DCK: variants seen among roughly 807,000 people sequenced by gnomAD.
DCK encodes the protein deoxyadenosine kinase.
Under a neutral mutation model 38.3 loss-of-function variants are expected in DCK, and 23 were observed. The observed-to-expected ratio is 0.60, with a 90% CI of 0.43 to 0.85. The LOEUF is 0.85. Among genes scored for constraint, DCK ranks in the 40% least tolerant of loss-of-function variants. The pLI, the probability that DCK is intolerant of heterozygous loss-of-function variation, is 0.00. For missense variants in DCK, 259 were observed against 304.4 expected (o/e 0.85, Z 1.11); for synonymous variants, 108 against 100.6 (o/e 1.07, Z -0.44).
rs781343609 is a variant in DCK, at chr4:71,005,255, A to T, written c.207+7073A>T. 5.3e-5 allele frequency among the ~76,000 whole-genome samples: 8 copies of T among 151,550 alleles called. No individual in the cohort carries two copies. The South Asian group carries it at 8.4e-4, about 16-fold the overall frequency. ...CCCCTTTCACCTTCCAGGTGAGGCG[A>T]TGCCCCACCCTGCTTCTGCTTGGCC... On this transcript the variant is annotated intron_variant, in intron 2 of 6. Transcript: ENST00000286648.
At chr4:71,006,206 C>G (rs1739938321) in intron 2 of DCK, 1 of 189,488 alleles carries the variant, frequency 5.3e-6, no homozygotes, top group African/African-American at 2.4e-5. Flanking sequence ...CCTTTCAAGC[C>G]TTTTGTCATT....
At chr4:71,024,092 A>G (rs1022571391) in intron 4 of DCK, among the ~76,000 whole-genome samples, 3 of 152,198 alleles carry the variant, frequency 2.0e-5, no homozygotes, top group African/African-American at 7.2e-5. Context: ...TCCATTGCCT[A>G]GAACACCCAG....
chr4:71,013,581 C>G (rs1292415443), intron 2 of DCK, among the ~76,000 whole-genome samples: 2 of 152,108 alleles, frequency 1.3e-5, no homozygotes, highest in Non-Finnish European at 2.9e-5. Context: ...CGCTACAAGC[C>G]AGGAGAGAGT....
chr4:71,023,689 C>T lies in DCK; in HGVS notation c.532C>T (p.Leu178Phe), dbSNP rs766821671. ...CCTTGAATTGGATGGAATCATTTAT[C>T]TTCAAGCCACTCCAGAGGTAAAACC... ...QSLELDGIIY[L>F]QATPETCLHR... The change falls in exon 4 of 7, where the codon CTT becomes TTT. Residue 178 changes from leucine to phenylalanine, a missense_variant. Transcript: ENST00000286648. 1.2e-6 allele frequency: 2 copies of T among 1,608,794 alleles called. No homozygotes were observed. Among genetic ancestry groups the T allele is most frequent in the African/African-American group, 1.3e-5 (1 of 74,634 alleles).
rs756081701 is a variant in DCK, at chr4:71,022,434, G to C, written c.275G>C (p.Trp92Ser). 8 of 1,606,274 alleles carry C rather than the reference G, an allele frequency of 5.0e-6. No homozygotes were observed. The highest frequency in any genetic ancestry group is 6.8e-6 in the Non-Finnish European group (8 of 1,176,868). The part of the protein sequence containing the change: ...LQMMYEKPER[W>S]SFTFQTYACL... ...ATGATGTATGAGAAACCTGAACGATGGTCTTTTACCTTCCAAACATATGCC... is the reference window on the plus strand; with the variant it reads ...ATGATGTATGAGAAACCTGAACGATCGTCTTTTACCTTCCAAACATATGCC... Residue 92 changes from tryptophan to serine, a missense_variant, in exon 3 of 7, where the codon TGG (tryptophan) becomes TCG (serine). Physicochemically the swap from Trp to Ser is radical, Grantham distance 177 (BLOSUM62 -3). Transcript: ENST00000286648.
chr4:71,014,257 A>G lies in DCK; in HGVS notation c.208-8110A>G, dbSNP rs180909161. ...ATATGCACCCAATACAGGAGCACCCAGATTCATAAAGCAAGTCCTTAGAGA... is the reference window on the plus strand; with the variant it reads ...ATATGCACCCAATACAGGAGCACCCGGATTCATAAAGCAAGTCCTTAGAGA... On this transcript the variant is annotated intron_variant, in intron 2 of 6. Coordinates refer to ENST00000286648, the MANE Select transcript of DCK (RefSeq NM_000788.3). Among the ~76,000 whole-genome samples the G allele has an allele frequency of 3.7e-3, 557 of 152,360 alleles. 2 individuals are homozygous for G. The highest frequency in any genetic ancestry group is 6.1e-3 in the Non-Finnish European group (416 of 68,026).
chr4:71,026,652 T>C lies in DCK; in HGVS notation c.666-13T>C, dbSNP rs1740553860. On this transcript the variant is annotated splice_polypyrimidine_tract_variant and intron_variant, in intron 5 of 6. Transcript: ENST00000286648. ...AATTTCTGATTATTTTATTAATCTCTCTTTTTAAACAGAACCAACTTCGAT... is the reference window on the plus strand; with the variant it reads ...AATTTCTGATTATTTTATTAATCTCCCTTTTTAAACAGAACCAACTTCGAT... 2 of 1,273,430 alleles carry C rather than the reference T, an allele frequency of 1.6e-6. No homozygotes were observed. The highest frequency in any genetic ancestry group is 1.5e-5 in the African/African-American group (1 of 66,654). The allele number at this position is 1,273,430 out of a possible 1,614,324, so 78.9% of individuals were successfully genotyped here. A position where few individuals can be genotyped will look rare whatever the true frequency, so the allele number is the denominator to read the frequency against.
Position 71,017,875 on chromosome 4 carries a change from A to C in DCK, c.208-4492A>C, listed in dbSNP as rs187486499. 2.6e-5 allele frequency among the ~76,000 whole-genome samples: 4 copies of C among 152,156 alleles called. No homozygotes were observed. The East Asian group carries it at 7.7e-4, about 29-fold the overall frequency. ...GTACACCAACATGGCACATGTATAC[A>C]TATGTAACAAACCTGCACGTTGTGC... On this transcript the variant is annotated intron_variant, in intron 2 of 6. Coordinates refer to ENST00000286648, the MANE Select transcript of DCK (RefSeq NM_000788.3).
At chr4:71,024,074 A>G (rs989617751) in intron 4 of DCK, among the ~76,000 whole-genome samples, 2 of 152,172 alleles carry the variant, frequency 1.3e-5, no homozygotes, top group African/African-American at 2.4e-5. Context: ...TTTGATTACT[A>G]TTGAATTTCC....
intron 2 of DCK, among the ~76,000 whole-genome samples, chr4:71,021,817 A>G (rs11935525): frequency 1.3e-5 from 2 of 152,144 alleles, no homozygotes; most frequent in African/African-American, 4.8e-5. Flanking sequence ...CCTGGCTAAC[A>G]CGGTGAAACC....
intron 2 of DCK, among the ~76,000 whole-genome samples, chr4:71,015,893 C>G (rs1578425809): frequency 6.6e-6 from 1 of 152,198 alleles, no homozygotes; most frequent in African/African-American, 2.4e-5. Flanking sequence ...TGCCCTCTCT[C>G]ACCACTCCTA....
intron 2 of DCK, among the ~76,000 whole-genome samples, chr4:71,018,382 C>T (rs1181235515): frequency 6.6e-6 from 1 of 152,070 alleles, no homozygotes; most frequent in Non-Finnish European, 1.5e-5. Context: ...CCCGCCTTGG[C>T]CTCCCAAAGT....
At chr4:71,006,171 A>G (rs2148914017) in intron 2 of DCK, 1 of 155,796 alleles carries the variant, frequency 6.4e-6, no homozygotes, top group East Asian at 2.0e-4. Flanking sequence ...AAAAAGAAAA[A>G]CTACTATTCA....
intron 2 of DCK, among the ~76,000 whole-genome samples, chr4:71,004,623 G>A (rs1441731523): frequency 6.6e-6 from 1 of 152,216 alleles, no homozygotes; most frequent in African/African-American, 2.4e-5. Context: ...AGTCCCTGAC[G>A]GGGGCTGCTG....
chr4:71,021,802 A>G (rs1352992035), intron 2 of DCK, among the ~76,000 whole-genome samples: 5 of 152,132 alleles, frequency 3.3e-5, no homozygotes, highest in African/African-American at 9.7e-5. Flanking sequence ...GGAGATGGAG[A>G]CCATCCTGGC....
intron 5 of DCK, 84 bp downstream of exon 5, chr4:71,026,015 C>A: frequency 1.4e-6 from 2 of 1,397,210 alleles, no homozygotes; most frequent in South Asian, 1.9e-5. Context: ...GAAGATATGA[C>A]TAGCAATATG....
intron 2 of DCK, among the ~76,000 whole-genome samples, chr4:71,021,059 G>A (rs1315795245): frequency 7.0e-6 from 1 of 142,068 alleles, no homozygotes; most frequent in Non-Finnish European, 1.5e-5. Flanking sequence ...TGTTCCAGAT[G>A]CTATTTCTTT....
intron 2 of DCK, among the ~76,000 whole-genome samples, chr4:71,021,351 A>G (rs1421144669): frequency 6.6e-6 from 1 of 152,192 alleles, no homozygotes; most frequent in Non-Finnish European, 1.5e-5. Flanking sequence ...CTGGGATTAC[A>G]GGCGTGAGCC....
At position 71,003,153 on chromosome 4, in the gene DCK, T is replaced by C. The variant is rs1276711336; in HGVS notation, c.207+4971T>C. Among the ~76,000 whole-genome samples the C allele has an allele frequency of 3.3e-5, 5 of 152,212 alleles. No individual in the cohort carries two copies. In the South Asian group the frequency reaches 8.3e-4, roughly 25 times the overall value. On this transcript the variant is annotated intron_variant, in intron 2 of 6. Transcript: ENST00000286648. ...AGGAGCTCTTGTAAGGCAGGCCTTG[T>C]GGTGATAAAATCCCTCTACATTTGC...
Sources: allele counts gnomAD v4.1 joint callset (sites outside exome capture counted in the v4.1 genomes callset), GRCh38; gene constraint gnomAD v4.1.1; transcripts MANE v1.5; gene names NCBI Gene and HGNC (gene_info 2026-07-23, HGNC 2026-07-21).